The following PLGRKT variants were observed in gnomAD, a reference collection of about 807,000 sequenced individuals.
The protein encoded by PLGRKT is plasminogen receptor (KT).
PLGRKT carries 22 observed loss-of-function variants against 18.5 expected under a neutral mutation model. The observed-to-expected ratio is 1.19, with a 90% confidence interval of 0.85 to 1.70. The LOEUF (loss-of-function observed/expected upper bound fraction) is 1.70, where lower values mean the gene tolerates loss of function less well. Among genes scored for constraint, PLGRKT ranks in the 40% most tolerant of loss-of-function variants. PLGRKT has a pLI of 0.00. For missense variants in PLGRKT, 235 were observed against 174.4 expected, an observed-to-expected ratio of 1.35 and a Z score of -1.96; for synonymous variants, 72 against 52.8, an observed-to-expected ratio of 1.36 and a Z score of -1.58.
intron 3 of PLGRKT, among the ~76,000 whole-genome samples, chr9:5,421,963 G>C (rs553178945): frequency 6.6e-6 from 1 of 152,292 alleles, no homozygotes; most frequent in South Asian, 2.1e-4. Flanking sequence ...GTAAATTGTG[G>C]AGACTTCTAG....
chr9:5,435,280 T>A lies in PLGRKT; in HGVS notation c.-7+1289A>T, dbSNP rs151299029. On this transcript the variant is annotated intron_variant, in intron 2 of 5. Coordinates refer to ENST00000223864, the MANE Select transcript of PLGRKT (RefSeq NM_018465.4). ...ACTATTATCCTATGACCCTGCCACATCCCCCTCTCTAAGAAACACCCAAGA... is the reference window on the plus strand; with the variant it reads ...ACTATTATCCTATGACCCTGCCACAACCCCCTCTCTAAGAAACACCCAAGA... Among the ~76,000 whole-genome samples, 799 of 126,018 alleles carry A rather than the reference T, an allele frequency of 6.3e-3. 10 individuals are homozygous for A. Among genetic ancestry groups the A allele is most frequent in the African/African-American group, 0.023 (766 of 32,976 alleles). 82.7% of individuals were successfully genotyped at this position (126,018 alleles called of 152,430 possible).
intron 3 of PLGRKT, among the ~76,000 whole-genome samples, chr9:5,366,960 A>G (rs949807590): frequency 6.6e-6 from 1 of 151,868 alleles, no homozygotes; most frequent in South Asian, 2.1e-4. Context: ...CTACACACCA[A>G]TAATGGTCAT....
intron 4 of PLGRKT, 116 bp downstream of exon 4, chr9:5,361,642 T>C: frequency 1.1e-6 from 1 of 925,402 alleles, no homozygotes; most frequent in Non-Finnish European, 1.6e-6. Flanking sequence ...TAGGTTACTT[T>C]GGTTACATAC....
At chr9:5,404,377 A>G (rs1439545498) in intron 3 of PLGRKT, among the ~76,000 whole-genome samples, 1 of 152,212 alleles carries the variant, frequency 6.6e-6, no homozygotes, top group African/African-American at 2.4e-5. Context: ...AAAATCCTCA[A>G]TAAAATACTG....
intron 5 of PLGRKT, among the ~76,000 whole-genome samples, chr9:5,360,825 G>A (rs1392169882): frequency 6.6e-6 from 1 of 152,104 alleles, no homozygotes; most frequent in African/African-American, 2.4e-5. Flanking sequence ...GTTTATAAAA[G>A]TTTTAATACA....
At chr9:5,427,217 T>G (rs1336279368) in intron 3 of PLGRKT, among the ~76,000 whole-genome samples, 1 of 152,198 alleles carries the variant, frequency 6.6e-6, no homozygotes, top group African/African-American at 2.4e-5. Flanking sequence ...CTGTCCACAC[T>G]ACCTGCCTGT....
At chr9:5,423,399 T>C (rs918085186) in intron 3 of PLGRKT, among the ~76,000 whole-genome samples, 20 of 152,226 alleles carry the variant, frequency 1.3e-4, no homozygotes, top group African/African-American at 4.6e-4. Flanking sequence ...ATTTGGAACA[T>C]ACTGTATCTT....
intron 4 of PLGRKT, among the ~76,000 whole-genome samples, chr9:5,361,528 C>T (rs947195807): frequency 9.2e-5 from 14 of 152,296 alleles, no homozygotes; most frequent in South Asian, 4.2e-4. Context: ...GGTGCTCTCT[C>T]TCTCTAACTA....
chr9:5,381,452 T>C (rs1817744569), intron 3 of PLGRKT, among the ~76,000 whole-genome samples: 1 of 152,198 alleles, frequency 6.6e-6, no homozygotes. Context: ...AGCTTCCACG[T>C]GGTGTTGAGC....
chr9:5,430,280 C>T (rs964819215), intron 3 of PLGRKT, among the ~76,000 whole-genome samples: 5 of 152,218 alleles, frequency 3.3e-5, no homozygotes, highest in Non-Finnish European at 7.3e-5. Flanking sequence ...TGGGGACCAA[C>T]ATAAGAGTAA....
intron 3 of PLGRKT, among the ~76,000 whole-genome samples, chr9:5,403,231 T>C (rs984403893): frequency 1.3e-5 from 2 of 150,734 alleles, no homozygotes; most frequent in African/African-American, 2.5e-5. Context: ...TTTCTTTTTT[T>C]TTTTTTTTTG....
intron 3 of PLGRKT, among the ~76,000 whole-genome samples, chr9:5,404,821 A>T (rs1253346832): frequency 6.6e-6 from 1 of 152,214 alleles, no homozygotes; most frequent in Non-Finnish European, 1.5e-5. Context: ...TCAAATAGGA[A>T]GAGAGGAGAT....
intron 3 of PLGRKT, among the ~76,000 whole-genome samples, chr9:5,408,081 G>A (rs903194148): frequency 6.6e-5 from 10 of 151,992 alleles, no homozygotes; most frequent in African/African-American, 1.7e-4. Context: ...AAATTTGGAG[G>A]GGCAAGAAAA....
intron 3 of PLGRKT, among the ~76,000 whole-genome samples, chr9:5,397,663 G>A (rs1008761922): frequency 6.0e-5 from 9 of 148,800 alleles, no homozygotes; most frequent in African/African-American, 2.3e-4. Flanking sequence ...GCAATGGTCA[G>A]TGGCTTGGAG....
chr9:5,378,761 AT>A (rs1433350484), intron 3 of PLGRKT, among the ~76,000 whole-genome samples: 1 of 152,220 alleles, frequency 6.6e-6, no homozygotes, highest in East Asian at 1.9e-4. Flanking sequence ...ACAAAAAAAA[AT>A]TACAAATTAT....
rs554954074 is a variant in PLGRKT at position 5,409,100 on chromosome 9, A to T, written c.81+22797T>A. Among the ~76,000 whole-genome samples the T allele has an allele frequency of 2.0e-5, 3 of 152,362 alleles. No homozygotes were observed. The East Asian group carries it at 5.8e-4, about 29-fold the overall frequency. On this transcript the variant is annotated intron_variant, in intron 3 of 5. Transcript: ENST00000223864. ...CCTCATGGAGAACCTCTATTAGAGC[A>T]GTACAGAGGGGAAATATGGGGTTGA...
chr9:5,388,343 G>C (rs1817884569), intron 3 of PLGRKT, among the ~76,000 whole-genome samples: 1 of 151,852 alleles, frequency 6.6e-6, no homozygotes, highest in Non-Finnish European at 1.5e-5. Flanking sequence ...TGAGAAATTG[G>C]GTGAGATGAG....
chr9:5,374,057 C>G (rs1030790070), intron 3 of PLGRKT, among the ~76,000 whole-genome samples: 2 of 152,208 alleles, frequency 1.3e-5, no homozygotes, highest in East Asian at 3.9e-4. Context: ...CTTCTGGGCT[C>G]TAACCACTAC....
chr9:5,405,582 T>C (rs1282724772), intron 3 of PLGRKT, among the ~76,000 whole-genome samples: 7 of 152,206 alleles, frequency 4.6e-5, no homozygotes, highest in Non-Finnish European at 7.3e-5. Flanking sequence ...ACTGGATCCC[T>C]TCCTTACACC....
Sources: allele counts gnomAD v4.1 joint callset (sites outside exome capture counted in the v4.1 genomes callset), GRCh38; gene constraint gnomAD v4.1.1; transcripts MANE v1.5; gene names NCBI Gene and HGNC (gene_info 2026-07-23, HGNC 2026-07-21).